SETD1B: variants seen among roughly 807,000 people sequenced by gnomAD.
SETD1B encodes the protein SET domain containing 1B, histone lysine methyltransferase.
SETD1B carries 7 observed loss-of-function variants against 148.0 expected under a neutral mutation model. That is an observed-to-expected ratio of 0.05 (90% confidence interval 0.03 to 0.09). The LOEUF (loss-of-function observed/expected upper bound fraction) is 0.09, where lower values mean the gene tolerates loss of function less well. Ranked by LOEUF, SETD1B falls within the 10% of genes least tolerant of loss-of-function variation. The probability of loss-of-function intolerance (pLI) is 1.00; values close to 1 mark genes in which losing one functional copy is unlikely to be tolerated. For synonymous variants in SETD1B, 1,361 were observed against 1,186.5 expected, an observed-to-expected ratio of 1.15 and a Z score of -3.02; for missense variants, 2,155 against 2,729.9, an observed-to-expected ratio of 0.79 and a Z score of 4.69.
chr12:121,790,361 A>G, the SETD1B span, among the ~76,000 whole-genome samples: 1 of 152,152 alleles, frequency 6.6e-6, no homozygotes, highest in Admixed American at 6.5e-5. Flanking sequence ...TACTAGACTC[A>G]TTTCTGGCTT....
intron 12 of SETD1B, 93 bp from the exon 13 acceptor site, chr12:121,825,107 C>T: frequency 7.5e-7 from 1 of 1,326,562 alleles, no homozygotes. Context: ...CATCGCTGTC[C>T]CTGAAGGGTG....
rs1468929642 is a variant in SETD1B, at chr12:121,809,587, C to T, written c.658-16C>T. The T allele has an allele frequency of 1.3e-6, 2 of 1,528,352 alleles. No homozygotes were observed. The highest frequency in any genetic ancestry group is 1.4e-5 in the African/African-American group (1 of 72,482). 94.7% of individuals were successfully genotyped at this position (1,528,352 alleles called of 1,614,324 possible). A position where few individuals can be genotyped will look rare whatever the true frequency, so the allele number is the denominator to read the frequency against. ...ATGTTTTCCCCCAGTGGTCTGACAT[C>T]TCTGTCTCTCCTTAGCTGTCAGATG... On this transcript the variant is annotated splice_polypyrimidine_tract_variant and intron_variant, in intron 5 of 16. Coordinates refer to ENST00000604567, the MANE Select transcript of SETD1B (RefSeq NM_001353345.2).
Position 121,831,371 on chromosome 12 carries a change from TA to T in SETD1B, c.*1137del, listed in dbSNP as rs1386978373. 1 of 151,890 alleles carries T rather than the reference TA, an allele frequency of 6.6e-6. No homozygotes were observed. Among genetic ancestry groups the T allele is most frequent in the African/African-American group, 2.4e-5 (1 of 41,362 alleles). The allele number at this position is 151,890 out of a possible 1,614,324, so 9.4% of individuals were successfully genotyped here. Reference sequence around the variant, plus strand: ...AGAAAGGAAAATCTTGGAAAAGATTTAAAAACACAAATCTAAGCCTTGACGG... The same window carrying T: ...AGAAAGGAAAATCTTGGAAAAGATTTAAAACACAAATCTAAGCCTTGACGG... On this transcript the variant is annotated 3_prime_UTR_variant, in exon 17 of 17. Coordinates refer to ENST00000604567, the MANE Select transcript of SETD1B (RefSeq NM_001353345.2).
At position 121,805,350 on chromosome 12, in the gene SETD1B, G is replaced by A; in HGVS notation, c.273+134G>A. The A allele has an allele frequency of 1.4e-6, 1 of 721,332 alleles. No homozygotes were observed. 44.7% of individuals were successfully genotyped at this position (721,332 alleles called of 1,614,324 possible). On this transcript the variant is annotated intron_variant, in intron 3 of 16. Coordinates refer to ENST00000604567, the MANE Select transcript of SETD1B (RefSeq NM_001353345.2). The surrounding 1 kb of genome is among the most constrained non-coding windows in gnomAD (Gnocchi z 4.2). ...GCCAGGGAAGTTTTGGCGGGGAGGGGTAGAGCGCTGGCGAGAGGGTGTCCC... is the reference window on the plus strand; with the variant it reads ...GCCAGGGAAGTTTTGGCGGGGAGGGATAGAGCGCTGGCGAGAGGGTGTCCC...
At chr12:121,812,192 C>A (rs1420278980) in intron 6 of SETD1B, among the ~76,000 whole-genome samples, 1 of 152,066 alleles carries the variant, frequency 6.6e-6, no homozygotes, top group African/African-American at 2.4e-5. Flanking sequence ...TCTGCGGCCG[C>A]GCGCAGTGCG....
chr12:121,791,110 G>T, the SETD1B span, among the ~76,000 whole-genome samples: 2 of 151,938 alleles, frequency 1.3e-5, no homozygotes, highest in Non-Finnish European at 2.9e-5. Flanking sequence ...CTGGCTTCAA[G>T]CAATCCTCCT....
At chr12:121,797,097 G>T in the SETD1B span, 4 of 234,884 alleles carry the variant, frequency 1.7e-5, no homozygotes, top group Non-Finnish European at 3.4e-5. Flanking sequence ...GAGCTTGCTG[G>T]AAGTCACATG....
chr12:121,812,491 C>T (rs1225442570), intron 6 of SETD1B, among the ~76,000 whole-genome samples: 1 of 152,208 alleles, frequency 6.6e-6, no homozygotes, highest in Non-Finnish European at 1.5e-5. Context: ...GCCAGGCCTG[C>T]TGGACTCCCA....
rs1020992156 is a variant in SETD1B, at chr12:121,808,800, C to T, written c.657+480C>T. On this transcript the variant is annotated intron_variant, in intron 5 of 16. Transcript: ENST00000604567. This position sits in a 1 kb window ranked among gnomAD's most constrained non-coding sequence, Gnocchi z 5.3. ...ACACAGGGACAACTCTCGCGTGGGG[C>T]GAGTCTCATGCCAGCTCCTCCCTGG... Among the ~76,000 whole-genome samples the T allele has an allele frequency of 5.3e-5, 8 of 152,324 alleles. No individual in the cohort carries two copies. The East Asian group carries it at 9.7e-4, about 18-fold the overall frequency.
chr12:121,797,029 CAAAA>C, the SETD1B span, among the ~76,000 whole-genome samples: 1 of 98,172 alleles, frequency 1.0e-5, no homozygotes, highest in Non-Finnish European at 2.2e-5. Context: ...AACTCTGTCT[CAAAA>C]AAAAAAAAAA....
chr12:121,797,626 G>A, the SETD1B span: 1 of 456,358 alleles, frequency 2.2e-6, no homozygotes, highest in Non-Finnish European at 4.4e-6. Context: ...ACTGGCTGGA[G>A]CCCTCCAGGG....
chr12:121,823,654 A>T lies in SETD1B; in HGVS notation c.5075A>T (p.Glu1692Val). The T allele has an allele frequency of 6.4e-7, 1 of 1,551,538 alleles. No homozygotes were observed. Residue 1692 changes from glutamate to valine, a missense_variant, in exon 12 of 17, where the codon GAG (glutamate) becomes GTG (valine). Physicochemically the swap from Glu to Val is moderately radical, Grantham distance 121. Coordinates refer to ENST00000604567, the MANE Select transcript of SETD1B (RefSeq NM_001353345.2). ...YDIWNGGIDE[E>V]DIRFLCVTYE... ...ATCTGGAACGGTGGCATCGATGAGG[A>T]GGACATCCGCTTCCTGTGTGTCACC...
At chr12:121,827,182 C>T (rs550446292) in intron 13 of SETD1B, among the ~76,000 whole-genome samples, 4 of 151,914 alleles carry the variant, frequency 2.6e-5, no homozygotes, top group Admixed American at 6.6e-5. Flanking sequence ...ACAAGGGTTT[C>T]GGAAGGATCC....
In SETD1B at chr12:121,804,934, C is replaced by G. The variant is rs972881830; in HGVS notation, c.174+23C>G. 47 of 1,479,978 alleles carry G rather than the reference C, an allele frequency of 3.2e-5. No individual in the cohort carries two copies. In the African/African-American group the frequency reaches 5.8e-4, roughly 18 times the overall value. The allele number at this position is 1,479,978 out of a possible 1,614,324, so 91.7% of individuals were successfully genotyped here. On this transcript the variant is annotated intron_variant, in intron 2 of 16. Transcript: ENST00000604567. The surrounding 1 kb of genome is among the most constrained non-coding windows in gnomAD (Gnocchi z 4.6). The stretch of plus-strand genomic sequence containing the variant: ...GCGGTGAGTAGCCGGCGCGCCCCCC[C>G]AGCCGTGCCCCGCGTCGTGTCCGGG...
intron 13 of SETD1B, 24 bp downstream of exon 13, chr12:121,825,390 A>G (rs1417936740): frequency 1.9e-6 from 3 of 1,540,352 alleles, no homozygotes; most frequent in East Asian, 2.5e-5. Flanking sequence ...TCCTGGACAC[A>G]TCAGAGCCTG....
rs923814114 is a variant in SETD1B, at chr12:121,822,657, C to A, written c.4078C>A (p.Pro1360Thr). 1.9e-6 allele frequency: 3 copies of A among 1,550,632 alleles called. No individual in the cohort carries two copies. The African/African-American group carries it at 4.1e-5, about 21-fold the overall frequency. The change falls in exon 12 of 17, where the codon CCC becomes ACC. Residue 1360 changes from proline to threonine, a missense_variant. Physicochemically the swap from Pro to Thr is conservative, Grantham distance 38. This residue lies in a region of SETD1B where 862 missense variants were observed against 873.8 expected (regional missense o/e 0.99). Transcript: ENST00000604567. ...VPPEPLAEDHPPHTPGLCGSL... is the reference protein window; with the variant it reads ...VPPEPLAEDHTPHTPGLCGSL... ...TCCGGAGCCCCTTGCCGAGGACCAC[C>A]CCCCGCATACTCCAGGCCTCTGTGG...
rs780252152 is a variant in SETD1B at position 121,810,598 on chromosome 12, G to C, written c.1653G>C (p.Gln551His). The C allele has an allele frequency of 2.5e-5, 38 of 1,548,378 alleles. No individual in the cohort carries two copies. In the Middle Eastern group the frequency reaches 1.5e-3, roughly 61 times the overall value. The change falls in exon 6 of 17, where the codon CAG (glutamine) becomes CAC (histidine). Residue 551 changes from glutamine to histidine, a missense_variant. Transcript: ENST00000604567. This position sits in a 1 kb window ranked among gnomAD's most constrained non-coding sequence, Gnocchi z 7.6. ...TGGCCCCCTTTGGCACCAACTCCCAGCCAGGCTTCCGGGGCCCCACGCCCC... is the reference window on the plus strand; with the variant it reads ...TGGCCCCCTTTGGCACCAACTCCCACCCAGGCTTCCGGGGCCCCACGCCCC... Reference protein sequence around the residue: ...SPLAPFGTNSQPGFRGPTPPS... With the variant: ...SPLAPFGTNSHPGFRGPTPPS...
intron 16 of SETD1B, among the ~76,000 whole-genome samples, chr12:121,829,848 A>C (rs368662743): frequency 3.3e-5 from 5 of 152,354 alleles, no homozygotes; most frequent in African/African-American, 1.2e-4. Flanking sequence ...AATGGAAATG[A>C]AAGGCCTGGG....
the SETD1B span, chr12:121,796,314 G>A: frequency 6.5e-6 from 1 of 152,898 alleles, no homozygotes. Flanking sequence ...GGCCACTGAA[G>A]CCTGGGGGAG....
Sources: allele counts gnomAD v4.1 joint callset (sites outside exome capture counted in the v4.1 genomes callset), GRCh38; gene constraint gnomAD v4.1.1; regional missense constraint gnomAD v4.1.1; non-coding constraint Gnocchi (gnomAD v3.1); transcripts MANE v1.5; gene names NCBI Gene and HGNC (gene_info 2026-07-23, HGNC 2026-07-21).